The following TRUB2 variants were observed in gnomAD, a reference collection of about 807,000 sequenced individuals.
TRUB2 encodes the protein pseudouridylate synthase TRUB2, mitochondrial.
TRUB2 carries 31 observed loss-of-function variants against 31.9 expected under a neutral mutation model. The ratio of observed to expected loss-of-function variants is 0.97; its 90% CI spans 0.73 to 1.31. The LOEUF (loss-of-function observed/expected upper bound fraction) is 1.31, where lower values mean the gene tolerates loss of function less well. Among genes scored for constraint, TRUB2 ranks in the 50% most tolerant of loss-of-function variants. The pLI, the probability that TRUB2 is intolerant of heterozygous loss-of-function variation, is 0.00. For synonymous variants in TRUB2, 201 were observed against 182.6 expected (o/e 1.10, Z -0.81); for missense variants, 451 against 439.6 (o/e 1.03, Z -0.23).
rs751681867 is a variant in TRUB2, at chr9:128,309,592, G to A, written c.954C>T (p.Gly318=). The A allele has an allele frequency of 1.8e-5, 29 of 1,613,452 alleles. No homozygotes were observed. The highest frequency in any genetic ancestry group is 2.3e-5 in the Non-Finnish European group (27 of 1,179,814). The change falls in exon 8 of 8, where the codon GGC becomes GGT. Residue 318 remains glycine (G), a synonymous_variant. Transcript: ENST00000372890. The stretch of plus-strand genomic sequence containing the variant: ...TCTCCAGCCCCAAGGTAGAGCTCGG[G>A]CCCTGGGAGTCCCAGGACCATCCCG... ...PSPGWSWDSQ[G]PSSTLGLERG...
At position 128,309,388 on chromosome 9, in the gene TRUB2, CT is replaced by C; in HGVS notation, c.*161del. 2 of 721,256 alleles carry C rather than the reference CT, an allele frequency of 2.8e-6. No homozygotes were observed. The highest frequency in any genetic ancestry group is 4.5e-6 in the Non-Finnish European group (2 of 447,704). The allele number at this position is 721,256 out of a possible 1,614,324, so 44.7% of individuals were successfully genotyped here. ...CTTTTCCTCCATACAGAAGTTTTTCCTTCTCAGTTGGGTCAAGTCCATTGAC... is the reference window on the plus strand; with the variant it reads ...CTTTTCCTCCATACAGAAGTTTTTCCTCTCAGTTGGGTCAAGTCCATTGAC... On this transcript the variant is annotated 3_prime_UTR_variant, in exon 8 of 8. Coordinates refer to ENST00000372890, the MANE Select transcript of TRUB2 (RefSeq NM_015679.3).
In TRUB2 at chr9:128,309,478, C is replaced by A; in HGVS notation, c.*72G>T. On this transcript the variant is annotated 3_prime_UTR_variant, in exon 8 of 8. Coordinates refer to ENST00000372890, the MANE Select transcript of TRUB2 (RefSeq NM_015679.3). ...AAGGTGCCCCTGCTCTCACTTTCTGCACAGCTATCAGGTCCAGCTCATAGC... is the reference window on the plus strand; with the variant it reads ...AAGGTGCCCCTGCTCTCACTTTCTGAACAGCTATCAGGTCCAGCTCATAGC... The A allele has an allele frequency of 6.8e-7, 1 of 1,475,548 alleles. No individual in the cohort carries two copies. Among genetic ancestry groups the A allele is most frequent in the East Asian group, 2.3e-5 (1 of 43,794 alleles). 91.4% of individuals were successfully genotyped at this position (1,475,548 alleles called of 1,614,324 possible). A position where few individuals can be genotyped will look rare whatever the true frequency, so the allele number is the denominator to read the frequency against.
rs916626228 is a variant in TRUB2, at chr9:128,307,608, G to C, written c.*1942C>G. The C allele has an allele frequency of 6.6e-6, 1 of 151,918 alleles. No homozygotes were observed. The highest frequency in any genetic ancestry group is 2.4e-5 in the African/African-American group (1 of 41,356). The allele number at this position is 151,918 out of a possible 1,614,324, so 9.4% of individuals were successfully genotyped here. A position where few individuals can be genotyped will look rare whatever the true frequency, so the allele number is the denominator to read the frequency against. ...TAGCCAGGCTTGGTGGTGCACACCGGTAATCCCAGCAACTCTGGAGACTAA... is the reference window on the plus strand; with the variant it reads ...TAGCCAGGCTTGGTGGTGCACACCGCTAATCCCAGCAACTCTGGAGACTAA... On this transcript the variant is annotated 3_prime_UTR_variant, in exon 8 of 8. Coordinates refer to ENST00000372890, the MANE Select transcript of TRUB2 (RefSeq NM_015679.3).
intron 2 of TRUB2, among the ~76,000 whole-genome samples, chr9:128,320,536 T>C (rs1251859876): frequency 6.6e-6 from 1 of 152,078 alleles, no homozygotes; most frequent in Admixed American, 6.6e-5. Flanking sequence ...TTCTCCATGT[T>C]GGCCAGGCTG....
chr9:128,314,758 A>G (rs1832038983), intron 4 of TRUB2, among the ~76,000 whole-genome samples: 1 of 152,072 alleles, frequency 6.6e-6, no homozygotes, highest in Non-Finnish European at 1.5e-5. Flanking sequence ...AAATTTTGTA[A>G]ATAGAGATGG....
rs201115852 is a variant in TRUB2 at position 128,309,560 on chromosome 9, G to A, written c.986C>T (p.Ala329Val). Residue 329 changes from alanine (A) to valine (V), a missense_variant, in exon 8 of 8, where the codon GCG (alanine) becomes GTG (valine). Transcript: ENST00000372890. ...PSSTLGLERG[A>V]GQ ...GAGCTGCCTGGGCATTCACTGCCCC[G>A]CACCCCTCTCCAGCCCCAAGGTAGA... is the stretch of plus-strand genomic sequence containing the variant. The A allele has an allele frequency of 1.1e-4, 185 of 1,609,452 alleles. 1 individual carries two copies. Among genetic ancestry groups the A allele is most frequent in the Admixed American group, 2.3e-4 (14 of 59,906 alleles).
Position 128,309,392 on chromosome 9 carries a change from T to A in TRUB2, c.*158A>T. 2 of 740,782 alleles carry A rather than the reference T, an allele frequency of 2.7e-6. No homozygotes were observed. Among genetic ancestry groups the A allele is most frequent in the South Asian group, 3.8e-5 (2 of 53,122 alleles). The allele number at this position is 740,782 out of a possible 1,614,324, so 45.9% of individuals were successfully genotyped here. A position where few individuals can be genotyped will look rare whatever the true frequency, so the allele number is the denominator to read the frequency against. ...TCCTCCATACAGAAGTTTTTCCTTC[T>A]CAGTTGGGTCAAGTCCATTGACCTT... On this transcript the variant is annotated 3_prime_UTR_variant, in exon 8 of 8. Transcript: ENST00000372890.
chr9:128,310,455 G>C (rs912108669), intron 7 of TRUB2, among the ~76,000 whole-genome samples: 16 of 151,434 alleles, frequency 1.1e-4, no homozygotes, highest in African/African-American at 3.6e-4. Flanking sequence ...AAGCAGAGGA[G>C]CAGGCATTAA....
At chr9:128,315,812 TG>T (rs1466319808) in intron 3 of TRUB2, 184 bp from the exon 4 acceptor site, 85 of 639,516 alleles carry the variant, frequency 1.3e-4, no homozygotes, top group Admixed American at 2.4e-5. Context: ...TGCAGATTGC[TG>T]GGCCTTACCC....
chr9:128,309,401 T>G lies in TRUB2; in HGVS notation c.*149A>C. On this transcript the variant is annotated 3_prime_UTR_variant, in exon 8 of 8. Transcript: ENST00000372890. Reference sequence around the variant, plus strand: ...CAGAAGTTTTTCCTTCTCAGTTGGGTCAAGTCCATTGACCTTTCTGTTACA... The same window carrying G: ...CAGAAGTTTTTCCTTCTCAGTTGGGGCAAGTCCATTGACCTTTCTGTTACA... 1.2e-6 allele frequency: 1 copy of G among 813,586 alleles called. No homozygotes were observed. The highest frequency in any genetic ancestry group is 2.6e-5 in the East Asian group (1 of 37,816). 50.4% of individuals were successfully genotyped at this position (813,586 alleles called of 1,614,324 possible). A position where few individuals can be genotyped will look rare whatever the true frequency, so the allele number is the denominator to read the frequency against.
intron 1 of TRUB2, 69 bp downstream of exon 1, chr9:128,322,231 G>A: frequency 7.3e-7 from 1 of 1,368,232 alleles, no homozygotes; most frequent in African/African-American, 1.4e-5. Context: ...TTTGGGGTAA[G>A]GACCAGAAGC....
chr9:128,312,992 G>C (rs1831999919), intron 5 of TRUB2, among the ~76,000 whole-genome samples: 1 of 151,642 alleles, frequency 6.6e-6, no homozygotes, highest in African/African-American at 2.4e-5. Flanking sequence ...GAGGTGGGCA[G>C]AATACCTGAG....
chr9:128,311,370 A>T (rs966703870), intron 6 of TRUB2, 159 bp downstream of exon 6: 70 of 784,330 alleles, frequency 8.9e-5, no homozygotes, highest in Non-Finnish European at 1.3e-4. Context: ...GACCTGGCAC[A>T]CAGAACCATT....
intron 2 of TRUB2, among the ~76,000 whole-genome samples, chr9:128,319,628 C>T (rs182165870): frequency 1.7e-4 from 25 of 151,290 alleles, no homozygotes; most frequent in African/African-American, 5.1e-4. Context: ...CTAGGCATGT[C>T]GTCCCATATA....
At chr9:128,320,006 C>T (rs1250645853) in intron 2 of TRUB2, among the ~76,000 whole-genome samples, 2 of 151,628 alleles carry the variant, frequency 1.3e-5, no homozygotes, top group Non-Finnish European at 1.5e-5. Context: ...AGCTCCGCCT[C>T]CTGGGTTCAC....
intron 7 of TRUB2, 73 bp downstream of exon 7, chr9:128,310,814 G>A: frequency 6.3e-7 from 1 of 1,589,686 alleles, no homozygotes; most frequent in Non-Finnish European, 8.6e-7. Context: ...AGTGACCTCT[G>A]CAAGAGCGTT....
intron 5 of TRUB2, among the ~76,000 whole-genome samples, chr9:128,313,198 C>T (rs1331503590): frequency 6.8e-6 from 1 of 146,886 alleles, no homozygotes; most frequent in Non-Finnish European, 1.5e-5. Flanking sequence ...GCCTGGGCGA[C>T]AGAGCGAGAC....
rs1831921219 is a variant in TRUB2 at position 128,309,332 on chromosome 9, A to G, written c.*218T>C. The stretch of plus-strand genomic sequence containing the variant: ...GCCCGCCACCACGCCTGGTCTGCCA[A>G]TACTTTCTATCAGTCTGTCATGTTT... On this transcript the variant is annotated 3_prime_UTR_variant, in exon 8 of 8. Transcript: ENST00000372890. The G allele has an allele frequency of 3.5e-6, 2 of 565,288 alleles. No individual in the cohort carries two copies. The highest frequency in any genetic ancestry group is 5.9e-5 in the East Asian group (2 of 34,030). The allele number at this position is 565,288 out of a possible 1,614,324, so 35.0% of individuals were successfully genotyped here. A position where few individuals can be genotyped will look rare whatever the true frequency, so the allele number is the denominator to read the frequency against.
intron 1 of TRUB2, among the ~76,000 whole-genome samples, 173 bp from the exon 2 acceptor site, chr9:128,321,903 C>T (rs1304258504): frequency 6.6e-6 from 1 of 152,184 alleles, no homozygotes. Flanking sequence ...CCTCAGCCTC[C>T]AGAGTAGCTG....
Sources: allele counts gnomAD v4.1 joint callset (sites outside exome capture counted in the v4.1 genomes callset), GRCh38; gene constraint gnomAD v4.1.1; transcripts MANE v1.5; gene names NCBI Gene and HGNC (gene_info 2026-07-23, HGNC 2026-07-21).